ZFHX3: variants seen among roughly 807,000 people sequenced by gnomAD.
ZFHX3 encodes the protein zinc finger homeobox 3.
ZFHX3 carries 42 observed loss-of-function variants against 279.1 expected under a neutral mutation model. That is an observed-to-expected ratio of 0.15 (90% confidence interval 0.12 to 0.19). ZFHX3 has a LOEUF of 0.19. ZFHX3 is among the 10% of genes least tolerant of loss of function. The pLI is 1.00. For missense variants in ZFHX3, 4,981 were observed against 4,754.0 expected (o/e 1.05, Z -1.40); for synonymous variants, 2,293 against 1,957.8 (o/e 1.17, Z -4.52).
At chr16:73,797,414 C>T (rs395809) in intron 1 of ZFHX3, among the ~76,000 whole-genome samples, 1 of 151,948 alleles carries the variant, frequency 6.6e-6, no homozygotes, top group African/African-American at 2.4e-5. Context: ...TGGAACTGCA[C>T]AAAGCAACAA....
chr16:73,509,620 G>T (rs1212394744), intron 2 of ZFHX3, among the ~76,000 whole-genome samples: 1 of 147,222 alleles, frequency 6.8e-6, no homozygotes, highest in East Asian at 2.0e-4. Context: ...CACCCCCTGG[G>T]TTCAAGCGAT....
rs1457173628 is a variant in ZFHX3, at chr16:72,783,254, C to T, written c.*3910G>A. 1 of 151,992 alleles carries T rather than the reference C, an allele frequency of 6.6e-6. No individual in the cohort carries two copies. The highest frequency in any genetic ancestry group is 2.4e-5 in the African/African-American group (1 of 41,192). The allele number at this position is 151,992 out of a possible 1,614,324, so 9.4% of individuals were successfully genotyped here. A position where few individuals can be genotyped will look rare whatever the true frequency, so the allele number is the denominator to read the frequency against. On this transcript the variant is annotated 3_prime_UTR_variant, in exon 10 of 10. Coordinates refer to ENST00000268489, the MANE Select transcript of ZFHX3 (RefSeq NM_006885.4). ...TACCTCTTCACCTCAGGGTCACGTT[C>T]ATTTATGCTTTCTTTCCTACCCAAA...
At chr16:73,530,649 T>C (rs2019783516) in intron 2 of ZFHX3, among the ~76,000 whole-genome samples, 1 of 152,160 alleles carries the variant, frequency 6.6e-6, no homozygotes, top group African/African-American at 2.4e-5. Context: ...CTATCAACAT[T>C]CCTCAATTTT....
At chr16:72,943,294 G>C (rs1207016581) in intron 3 of ZFHX3, among the ~76,000 whole-genome samples, 3 of 152,174 alleles carry the variant, frequency 2.0e-5, no homozygotes, top group African/African-American at 7.2e-5. Flanking sequence ...GGCACTCTAG[G>C]AGGCCAAGGT....
chr16:73,731,526 T>C (rs969781248), intron 1 of ZFHX3, among the ~76,000 whole-genome samples: 1 of 152,012 alleles, frequency 6.6e-6, no homozygotes, highest in African/African-American at 2.4e-5. Flanking sequence ...CTGCAAAGTG[T>C]TATTGTGATC....
At chr16:72,815,853 G>T (rs1316831185) in intron 5 of ZFHX3, among the ~76,000 whole-genome samples, 1 of 152,204 alleles carries the variant, frequency 6.6e-6, no homozygotes, top group South Asian at 2.1e-4. Flanking sequence ...TGAAGCGTTA[G>T]TAACTCTAGT....
intron 3 of ZFHX3, among the ~76,000 whole-genome samples, chr16:72,908,942 A>C (rs1274843739): frequency 1.3e-5 from 2 of 152,244 alleles, no homozygotes; most frequent in African/African-American, 4.8e-5. Context: ...TCCACTAATG[A>C]GCACTGTCCT....
intron 4 of ZFHX3, among the ~76,000 whole-genome samples, chr16:73,258,358 T>TATATATATATATATATATATATATATATA (rs1567432751): frequency 4.0e-5 from 6 of 150,720 alleles, no homozygotes; most frequent in African/African-American, 1.5e-4. Flanking sequence ...TATATATATA[T>TATATATATATATATATATATATATATATA]TTGTTTTCTG....
At chr16:72,846,157 CAGTA>C (rs2037474630) in intron 4 of ZFHX3, among the ~76,000 whole-genome samples, 1 of 152,174 alleles carries the variant, frequency 6.6e-6, no homozygotes, top group African/African-American at 2.4e-5. Context: ...GTAAGCAGCT[CAGTA>C]AGTGAGCATA....
intron 1 of ZFHX3, among the ~76,000 whole-genome samples, chr16:73,684,434 A>T (rs962562657): frequency 6.6e-6 from 1 of 152,104 alleles, no homozygotes; most frequent in African/African-American, 2.4e-5. Flanking sequence ...AAATAAGATG[A>T]AGTCCTGTAC....
intron 8 of ZFHX3, among the ~76,000 whole-genome samples, chr16:73,078,602 A>G (rs1402815088): frequency 2.0e-5 from 3 of 151,542 alleles, no homozygotes; most frequent in Non-Finnish European, 4.4e-5. Flanking sequence ...CTGCCTCTGG[A>G]TTGCTAGACA....
At chr16:73,122,538 T>A (rs1966512762) in intron 7 of ZFHX3, among the ~76,000 whole-genome samples, 1 of 152,116 alleles carries the variant, frequency 6.6e-6, no homozygotes, top group Admixed American at 6.5e-5. Context: ...TTGTTTTCTG[T>A]CTTGCGGCTT....
intron 3 of ZFHX3, among the ~76,000 whole-genome samples, chr16:73,391,942 A>G (rs1299518864): frequency 1.3e-5 from 2 of 152,232 alleles, no homozygotes; most frequent in African/African-American, 4.8e-5. Context: ...GGAAAAGAAG[A>G]GTAAACAGAA....
intron 5 of ZFHX3, among the ~76,000 whole-genome samples, chr16:73,219,480 A>G (rs1376580219): frequency 6.6e-6 from 1 of 152,234 alleles, no homozygotes; most frequent in Non-Finnish European, 1.5e-5. Flanking sequence ...GTATCTGAAC[A>G]TGTCATACTG....
chr16:73,641,002 C>T (rs2052568345), intron 2 of ZFHX3, among the ~76,000 whole-genome samples: 2 of 152,162 alleles, frequency 1.3e-5, no homozygotes, highest in African/African-American at 4.8e-5. Flanking sequence ...TCGATCTTCT[C>T]AGCAGCGGCA....
intron 1 of ZFHX3, among the ~76,000 whole-genome samples, chr16:73,758,415 A>G (rs1204214873): frequency 6.6e-6 from 1 of 152,224 alleles, no homozygotes; most frequent in Non-Finnish European, 1.5e-5. Flanking sequence ...TGAAGATAAT[A>G]CAACTAAACT....
chr16:73,015,581 C>T (rs1964073591), intron 1 of ZFHX3: 1 of 152,248 alleles, frequency 6.6e-6, no homozygotes, highest in South Asian at 2.1e-4. Context: ...ATCCACAGTT[C>T]CTTTTATCAA....
chr16:72,926,972 G>C (rs1428560179), intron 3 of ZFHX3, among the ~76,000 whole-genome samples: 1 of 152,242 alleles, frequency 6.6e-6, no homozygotes, highest in African/African-American at 2.4e-5. Flanking sequence ...GAGGTCAGGA[G>C]ACAGAGAACA....
At chr16:73,571,006 G>GT (rs2051728944) in intron 2 of ZFHX3, among the ~76,000 whole-genome samples, 1 of 149,096 alleles carries the variant, frequency 6.7e-6, no homozygotes, top group African/African-American at 2.5e-5. Context: ...CCTTAATTTT[G>GT]TTTCGATGGA....
Sources: gnomAD v4.1 joint callset for allele counts (sites outside exome capture counted in the v4.1 genomes callset) on GRCh38, gnomAD v4.1.1 for gene constraint, MANE v1.5 for transcripts, NCBI Gene and HGNC (gene_info 2026-07-23, HGNC 2026-07-21) for gene names.